EYA4: variants seen among roughly 807,000 people sequenced by gnomAD.
The protein encoded by EYA4 is protein phosphatase EYA4.
EYA4 carries 31 observed loss-of-function variants against 87.9 expected under a neutral mutation model. The ratio of observed to expected loss-of-function variants is 0.35; its 90% CI spans 0.27 to 0.48. The LOEUF (loss-of-function observed/expected upper bound fraction) is 0.48, where lower values mean the gene tolerates loss of function less well. EYA4 is among the 20% of genes least tolerant of loss of function. The probability of loss-of-function intolerance (pLI) is 0.99; values close to 1 mark genes in which losing one functional copy is unlikely to be tolerated. For synonymous variants in EYA4, 263 were observed against 270.6 expected (o/e 0.97, Z 0.28); for missense variants, 678 against 761.4 (o/e 0.89, Z 1.29).
intron 2 of EYA4, chr6:133,363,488 T>G (rs1268074935): frequency 6.6e-6 from 1 of 152,134 alleles, no homozygotes; most frequent in Non-Finnish European, 1.5e-5. Context: ...CTTTTTTTTT[T>G]TTTTTTGACG....
intron 2 of EYA4, among the ~76,000 whole-genome samples, chr6:133,330,949 T>C (rs1012625904): frequency 1.3e-5 from 2 of 151,918 alleles, no homozygotes; most frequent in African/African-American, 4.8e-5. Flanking sequence ...ACATTGACTT[T>C]GTGAGAATTT....
chr6:133,385,360 T>A (rs1279669471), intron 3 of EYA4, among the ~76,000 whole-genome samples: 2 of 144,156 alleles, frequency 1.4e-5, no homozygotes, highest in African/African-American at 5.1e-5. Flanking sequence ...ATATTTTTTC[T>A]CTCTCCTCTG....
chr6:133,309,916 A>T (rs1780089878), intron 2 of EYA4, among the ~76,000 whole-genome samples: 1 of 152,166 alleles, frequency 6.6e-6, no homozygotes, highest in African/African-American at 2.4e-5. Context: ...TTTGTAGGAG[A>T]GTAGAAAAGA....
chr6:133,461,199 C>A lies in EYA4; in HGVS notation c.437+19C>A, dbSNP rs1583341789. On this transcript the variant is annotated intron_variant, in intron 7 of 19. Transcript: ENST00000355286. ...CTTCCAAGTAAGTGGTCAGTAGATT[C>A]TTGCTTTAAATTGGCAAACATTTAT... The A allele has an allele frequency of 6.3e-7, 1 of 1,585,578 alleles. No individual in the cohort carries two copies. Among genetic ancestry groups the A allele is most frequent in the South Asian group, 1.1e-5 (1 of 90,496 alleles).
intron 6 of EYA4, among the ~76,000 whole-genome samples, chr6:133,458,476 T>C (rs1175843899): frequency 1.3e-5 from 2 of 152,014 alleles, no homozygotes; most frequent in Non-Finnish European, 2.9e-5. Flanking sequence ...TCCAACACTG[T>C]GGAAAGTTTT....
intron 2 of EYA4, among the ~76,000 whole-genome samples, chr6:133,302,328 T>G (rs897714371): frequency 6.6e-6 from 1 of 152,150 alleles, no homozygotes; most frequent in African/African-American, 2.4e-5. Context: ...TTGAAGGCTG[T>G]CTGTCAGGAG....
chr6:133,385,672 A>C (rs896140416), intron 3 of EYA4, among the ~76,000 whole-genome samples: 1 of 152,140 alleles, frequency 6.6e-6, no homozygotes, highest in Non-Finnish European at 1.5e-5. Context: ...TGAAATGATT[A>C]GAATAAATGC....
At chr6:133,496,809 C>A (rs1797683890) in intron 13 of EYA4, among the ~76,000 whole-genome samples, 1 of 152,186 alleles carries the variant, frequency 6.6e-6, no homozygotes, top group Admixed American at 6.5e-5. Flanking sequence ...AATATACCTT[C>A]TTTCTCCAAA....
chr6:133,412,248 GT>G (rs1562390565), intron 3 of EYA4, among the ~76,000 whole-genome samples: 1 of 152,156 alleles, frequency 6.6e-6, no homozygotes, highest in African/African-American at 2.4e-5. Context: ...AAAATTATGA[GT>G]TTTTTAGTTT....
At chr6:133,487,535 A>C (rs1365074723) in intron 13 of EYA4, among the ~76,000 whole-genome samples, 1 of 152,150 alleles carries the variant, frequency 6.6e-6, no homozygotes, top group Non-Finnish European at 1.5e-5. Context: ...CTTGGATACT[A>C]ACTCAGTCAC....
At chr6:133,346,407 A>G (rs573982196) in intron 2 of EYA4, among the ~76,000 whole-genome samples, 2 of 152,312 alleles carry the variant, frequency 1.3e-5, no homozygotes, top group African/African-American at 4.8e-5. Context: ...TCTGATGAAC[A>G]AACCTTCTTA....
chr6:133,520,765 G>A (rs556922698), intron 17 of EYA4, among the ~76,000 whole-genome samples: 38 of 152,044 alleles, frequency 2.5e-4, no homozygotes, highest in African/African-American at 8.7e-4. Context: ...CCAAAACAGC[G>A]ATATAGATCA....
intron 2 of EYA4, among the ~76,000 whole-genome samples, chr6:133,281,815 C>G (rs943074118): frequency 7.2e-5 from 11 of 152,066 alleles, no homozygotes; most frequent in African/African-American, 2.7e-4. Flanking sequence ...GTTTCTGTCT[C>G]TATGTCCATG....
chr6:133,504,153 A>G (rs998652136), intron 13 of EYA4, among the ~76,000 whole-genome samples: 2 of 152,136 alleles, frequency 1.3e-5, no homozygotes, highest in African/African-American at 4.8e-5. Flanking sequence ...CCTGACCTCA[A>G]ATGGTCTGCC....
chr6:133,521,061 C>A (rs1365026129), intron 17 of EYA4, among the ~76,000 whole-genome samples: 3 of 151,462 alleles, frequency 2.0e-5, no homozygotes, highest in Non-Finnish European at 4.4e-5. Context: ...TGGGCAAGGA[C>A]TTCATGTCTA....
chr6:133,439,049 CAAAAAAAAAAAA>C lies in EYA4; in HGVS notation c.84-7565_84-7554del, dbSNP rs56261819. Among the ~76,000 whole-genome samples the C allele has an allele frequency of 1.6e-4, 10 of 64,024 alleles. 2 individuals carry two copies. In the Admixed American group the frequency reaches 2.3e-3, roughly 15 times the overall value. 42.0% of individuals were successfully genotyped at this position (64,024 alleles called of 152,430 possible). On this transcript the variant is annotated intron_variant, in intron 3 of 19. Coordinates refer to ENST00000355286, the MANE Select transcript of EYA4 (RefSeq NM_004100.5). The stretch of plus-strand genomic sequence containing the variant: ...TGGGTGACAAAGCGAGACTCCGTCT[CAAAAAAAAAAAA>C]AAAAAAAAAAAAAAAGTCTTTGGGT...
intron 2 of EYA4, among the ~76,000 whole-genome samples, chr6:133,339,056 G>A (rs1355611722): frequency 6.6e-6 from 1 of 152,128 alleles, no homozygotes; most frequent in Non-Finnish European, 1.5e-5. Context: ...GGTCAGGTAA[G>A]GAAAGCATGT....
Position 133,483,256 on chromosome 6 carries a change from G to T in EYA4, c.1191+141G>T, listed in dbSNP as rs905772880. ...CTTCTCTTAATTATCTATTTCTAGTGTCTTATAGTTCTTTAATATGAACTG... is the reference window on the plus strand; with the variant it reads ...CTTCTCTTAATTATCTATTTCTAGTTTCTTATAGTTCTTTAATATGAACTG... On this transcript the variant is annotated intron_variant, in intron 13 of 19. Coordinates refer to ENST00000355286, the MANE Select transcript of EYA4 (RefSeq NM_004100.5). 1.2e-5 allele frequency: 8 copies of T among 643,776 alleles called. No homozygotes were observed. The African/African-American group carries it at 1.5e-4, about 12-fold the overall frequency. 39.9% of individuals were successfully genotyped at this position (643,776 alleles called of 1,614,324 possible).
chr6:133,251,780 C>T (rs1429597570), intron 1 of EYA4, among the ~76,000 whole-genome samples: 1 of 152,108 alleles, frequency 6.6e-6, no homozygotes, highest in Non-Finnish European at 1.5e-5. Context: ...ATTGCCTCTT[C>T]TTGAGAACCC....
Sources: allele counts gnomAD v4.1 joint callset (sites outside exome capture counted in the v4.1 genomes callset), GRCh38; gene constraint gnomAD v4.1.1; transcripts MANE v1.5; gene names NCBI Gene and HGNC (gene_info 2026-07-23, HGNC 2026-07-21).